Variants in DEAF1 observed in about 807,000 individuals in gnomAD.
DEAF1 encodes the protein deformed epidermal autoregulatory factor 1 homolog.
A neutral mutation model predicts 58.9 loss-of-function variants in DEAF1; 53 were observed. The observed-to-expected ratio is 0.90, with a 90% confidence interval of 0.72 to 1.13. The LOEUF is 1.13. Among genes scored for constraint, DEAF1 ranks in the 50% most tolerant of loss-of-function variants. The probability of loss-of-function intolerance (pLI) is 0.00; values close to 1 mark genes in which losing one functional copy is unlikely to be tolerated. For missense variants in DEAF1, 685 were observed against 791.4 expected (o/e 0.87, Z 1.61); for synonymous variants, 385 against 340.4 (o/e 1.13, Z -1.44).
At chr11:705,947 G>T (rs1302254519) in intron 1 of DEAF1, among the ~76,000 whole-genome samples, 1 of 152,206 alleles carries the variant, frequency 6.6e-6, no homozygotes, top group Non-Finnish European at 1.5e-5. Context: ...CAGCGCCCCA[G>T]CTCTAGGGGC....
intron 5 of DEAF1, among the ~76,000 whole-genome samples, chr11:685,686 C>A (rs1490423849): frequency 8.6e-5 from 13 of 151,650 alleles, no homozygotes; most frequent in African/African-American, 3.2e-4. Flanking sequence ...CAGAGGGAGG[C>A]CTTTGCCTCA....
At position 657,332 on chromosome 11, in the gene DEAF1, GAA is replaced by G. The variant is rs1005104618; in HGVS notation, c.1504-3283_1504-3282del. Among the ~76,000 whole-genome samples, 4 of 152,254 alleles carry G rather than the reference GAA, an allele frequency of 2.6e-5. No individual in the cohort carries two copies. The East Asian group carries it at 7.7e-4, about 29-fold the overall frequency. On this transcript the variant is annotated intron_variant, in intron 10 of 11. Coordinates refer to ENST00000382409, the MANE Select transcript of DEAF1 (RefSeq NM_021008.4). Reference sequence around the variant, plus strand: ...AGGAAGTCAGGACGTACCCCAAAATGAAAAGTCTGTTGAAAGGGGTGCATCAG... The same window carrying G: ...AGGAAGTCAGGACGTACCCCAAAATGAAGTCTGTTGAAAGGGGTGCATCAG...
chr11:694,545 C>CGTGGGGCAGGTGT (rs1396863815), intron 1 of DEAF1: 4 of 240,852 alleles, frequency 1.7e-5, no homozygotes, highest in East Asian at 1.6e-4. Flanking sequence ...GAGCTAGTCA[C>CGTGGGGCAGGTGT]GTGGGGCAGG....
chr11:659,954 C>T (rs1169404206), intron 10 of DEAF1, among the ~76,000 whole-genome samples: 1 of 152,170 alleles, frequency 6.6e-6, no homozygotes, highest in Non-Finnish European at 1.5e-5. Flanking sequence ...CAACACAGGG[C>T]AGGTGGGGCC....
chr11:645,024 A>C (rs1177003226), intron 11 of DEAF1, among the ~76,000 whole-genome samples: 1 of 152,030 alleles, frequency 6.6e-6, no homozygotes, highest in African/African-American at 2.4e-5. Context: ...TTAGCTGGGC[A>C]TGGTGGCAGG....
chr11:670,784 T>G (rs1357394172), intron 10 of DEAF1, among the ~76,000 whole-genome samples: 10 of 146,328 alleles, frequency 6.8e-5, no homozygotes, highest in Non-Finnish European at 1.1e-4. Context: ...TTTGTTTTTT[T>G]TTTTTTTTTT....
intron 11 of DEAF1, among the ~76,000 whole-genome samples, chr11:651,779 G>A (rs1230323472): frequency 3.9e-5 from 6 of 152,162 alleles, no homozygotes; most frequent in Admixed American, 6.5e-5. Flanking sequence ...CCAGCTACTC[G>A]GGAGGCTGAG....
chr11:655,891 G>A (rs902944912), intron 10 of DEAF1, among the ~76,000 whole-genome samples: 22 of 151,952 alleles, frequency 1.4e-4, no homozygotes, highest in Admixed American at 1.4e-3. Context: ...GGAGTGTAGT[G>A]GCGCAATCTC....
upstream of DEAF1, chr11:695,456 C>A: frequency 1.8e-6 from 1 of 543,422 alleles, no homozygotes; most frequent in South Asian, 9.0e-5. Context: ...GCCGACAGGG[C>A]TGGACGGCTC....
chr11:679,719 C>T lies in DEAF1; in HGVS notation c.1095G>A (p.Pro365=), dbSNP rs912021856. The T allele has an allele frequency of 4.3e-6, 7 of 1,613,440 alleles. No individual in the cohort carries two copies. Among genetic ancestry groups the T allele is most frequent in the East Asian group, 4.5e-5 (2 of 44,900 alleles). The part of the protein sequence containing the change: ...VEATAVISES[P]AQGDVFAGAT... The stretch of plus-strand genomic sequence containing the variant: ...CCCCTGCGAAGACGTCGCCCTGGGC[C>T]GGACTCTCTGATATGACAGCAGTGG... Residue 365 remains proline, a synonymous_variant, in exon 8 of 12, where the codon CCG becomes CCA. Transcript: ENST00000382409.
exon 1 of DEAF1, among the ~76,000 whole-genome samples, chr11:707,021 G>C (rs1328240777): frequency 6.6e-6 from 1 of 151,948 alleles, no homozygotes; most frequent in Non-Finnish European, 1.5e-5. Flanking sequence ...GGGGAGGCAG[G>C]GCCGGGCATG....
Position 653,997 on chromosome 11 carries a change from T to C in DEAF1, c.1558A>G (p.Lys520Glu). The change falls in exon 11 of 12, where the codon AAG becomes GAG. Residue 520 changes from lysine to glutamate, a missense_variant. By Grantham distance (56) the Lys-to-Glu change is moderately conservative. Coordinates refer to ENST00000382409, the MANE Select transcript of DEAF1 (RefSeq NM_021008.4). ...CAGAAGGTGGAGCAGTAGTTGACCT[T>C]GTGGCAGCCGGTGCACTCGCTCATA... ...EAMSECTGCHKVNYCSTFCQR... is the reference protein window; with the variant it reads ...EAMSECTGCHEVNYCSTFCQR... 6.2e-7 allele frequency: 1 copy of C among 1,613,800 alleles called. No homozygotes were observed. Among genetic ancestry groups the C allele is most frequent in the Non-Finnish European group, 8.5e-7 (1 of 1,179,948 alleles).
chr11:693,340 T>A (rs928379525), intron 1 of DEAF1: 3 of 152,006 alleles, frequency 2.0e-5, no homozygotes, highest in African/African-American at 4.8e-5. Context: ...CTTCCCTCAC[T>A]TTTTTTTCTT....
At chr11:666,873 C>CAAAAAAAAAAA (rs532628897) in intron 10 of DEAF1, among the ~76,000 whole-genome samples, 1 of 60,242 alleles carries the variant, frequency 1.7e-5, no homozygotes, top group African/African-American at 6.4e-5. Context: ...ACTCTGTCTC[C>CAAAAAAAAAAA]AAAAAAAAAA....
At chr11:648,362 T>A (rs1015262844) in intron 11 of DEAF1, among the ~76,000 whole-genome samples, 4 of 151,706 alleles carry the variant, frequency 2.6e-5, no homozygotes, top group Non-Finnish European at 4.4e-5. Context: ...GCCAAGCTAA[T>A]TTTTTTGTAT....
Position 688,608 on chromosome 11 carries a change from G to A in DEAF1, c.388-148C>T, listed in dbSNP as rs1860695652. 2 of 916,124 alleles carry A rather than the reference G, an allele frequency of 2.2e-6. No individual in the cohort carries two copies. Among genetic ancestry groups the A allele is most frequent in the African/African-American group, 3.3e-5 (2 of 60,832 alleles). 56.7% of individuals were successfully genotyped at this position (916,124 alleles called of 1,614,324 possible). The stretch of plus-strand genomic sequence containing the variant: ...CTAGGCACCCCATATCTTTTCCAAA[G>A]ATACCTCTCAAAGACTTGAAAACAG... On this transcript the variant is annotated intron_variant, in intron 2 of 11. Transcript: ENST00000382409. The surrounding 1 kb of genome is among the most constrained non-coding windows in gnomAD (Gnocchi z 4.3).
Position 694,810 on chromosome 11 carries a change from C to A in DEAF1, c.238G>T (p.Ala80Ser). ...AAEPGHMDMG[A>S]EALPGPDEAA... ...TCGTCGGGGCCGGGCAGGGCCTCGG[C>A]GCCCATGTCCATGTGCCCGGGCTCC... Residue 80 changes from alanine (A) to serine (S), a missense_variant, in exon 1 of 12, where the codon GCC becomes TCC. Physicochemically the swap from Ala to Ser is moderately conservative, Grantham distance 99. This residue lies in a region of DEAF1 where 210 missense variants were observed against 177.3 expected (regional missense o/e 1.18). Coordinates refer to ENST00000382409, the MANE Select transcript of DEAF1 (RefSeq NM_021008.4). 7.0e-7 allele frequency: 1 copy of A among 1,420,944 alleles called. No homozygotes were observed. The highest frequency in any genetic ancestry group is 3.1e-5 in the East Asian group (1 of 32,566). The allele number at this position is 1,420,944 out of a possible 1,614,324, so 88.0% of individuals were successfully genotyped here. A position where few individuals can be genotyped will look rare whatever the true frequency, so the allele number is the denominator to read the frequency against.
upstream of DEAF1, chr11:699,267 G>C: frequency 3.7e-6 from 1 of 272,868 alleles, no homozygotes; most frequent in Non-Finnish European, 7.1e-6. Flanking sequence ...CTCTCACCCA[G>C]GCTGGAGTGT....
At chr11:680,374 T>TA (rs1414235720) in intron 7 of DEAF1, among the ~76,000 whole-genome samples, 1 of 152,204 alleles carries the variant, frequency 6.6e-6, no homozygotes, top group African/African-American at 2.4e-5. Flanking sequence ...AACCCAGACT[T>TA]AGTTAACAAA....
Sources: gnomAD v4.1 joint callset for allele counts (sites outside exome capture counted in the v4.1 genomes callset) on GRCh38, gnomAD v4.1.1 for gene constraint, gnomAD v4.1.1 regional missense constraint, Gnocchi (gnomAD v3.1) non-coding constraint, MANE v1.5 for transcripts, NCBI Gene and HGNC (gene_info 2026-07-23, HGNC 2026-07-21) for gene names.